Variants in TAX1BP1 observed in about 807,000 individuals in gnomAD.
TAX1BP1 encodes tax1-binding protein 1.
TAX1BP1 carries 62 observed loss-of-function variants against 97.7 expected under a neutral mutation model. That is an observed-to-expected ratio of 0.63 (90% confidence interval 0.52 to 0.78). The LOEUF (loss-of-function observed/expected upper bound fraction) is 0.78, where lower values mean the gene tolerates loss of function less well. Among genes scored for constraint, TAX1BP1 ranks in the 30% least tolerant of loss-of-function variants. The pLI, the probability that TAX1BP1 is intolerant of heterozygous loss-of-function variation, is 0.00. For missense variants in TAX1BP1, 867 were observed against 916.1 expected, an observed-to-expected ratio of 0.95 and a Z score of 0.69; for synonymous variants, 340 against 304.2, an observed-to-expected ratio of 1.12 and a Z score of -1.23.
chr7:27,747,975 A>C (rs1428409585), intron 1 of TAX1BP1, among the ~76,000 whole-genome samples: 1 of 152,126 alleles, frequency 6.6e-6, no homozygotes, highest in East Asian at 1.9e-4. Context: ...TGTTAGCGTC[A>C]GGTTTAGTTA....
At chr7:27,807,487 TTAATA>T (rs1203085534) in intron 13 of TAX1BP1, among the ~76,000 whole-genome samples, 1 of 152,100 alleles carries the variant, frequency 6.6e-6, no homozygotes, top group Non-Finnish European at 1.5e-5. Flanking sequence ...GGCCAGTTAT[TTAATA>T]TAATACTAAT....
intron 13 of TAX1BP1, among the ~76,000 whole-genome samples, chr7:27,812,688 T>C (rs890314808): frequency 1.3e-5 from 2 of 152,232 alleles, no homozygotes; most frequent in Admixed American, 6.5e-5. Context: ...TTATTTTGTA[T>C]ATAAGTACCC....
Position 27,828,730 on chromosome 7 carries a change from C to T in TAX1BP1, c.2271C>T (p.Cys757=), listed in dbSNP as rs771499153. The part of the protein sequence containing the change: ...EEHVESHWKV[C]PMCSEQFPPD... ...ATGTTGAAAGTCACTGGAAGGTGTG[C>T]CCGATGTGCAGCGAGCAGTTCCCTC... The change falls in exon 17 of 17, where the codon TGC becomes TGT. Residue 757 remains cysteine (C), a synonymous_variant. Coordinates refer to ENST00000396319, the MANE Select transcript of TAX1BP1 (RefSeq NM_006024.7). 1.9e-6 allele frequency: 3 copies of T among 1,614,040 alleles called. No individual in the cohort carries two copies. The highest frequency in any genetic ancestry group is 2.5e-6 in the Non-Finnish European group (3 of 1,179,992).
chr7:27,740,281 C>A lies in TAX1BP1; in HGVS notation c.-8+12C>A, dbSNP rs1469052647. 1 of 152,772 alleles carries A rather than the reference C, an allele frequency of 6.5e-6. No homozygotes were observed. The highest frequency in any genetic ancestry group is 1.9e-4 in the East Asian group (1 of 5,188). 9.5% of individuals were successfully genotyped at this position (152,772 alleles called of 1,614,324 possible). On this transcript the variant is annotated intron_variant, in intron 1 of 16. Transcript: ENST00000396319. ...AGTCTTTCCACTGGGTAAGGCGCCTCCCCGGTCCACCCCAGCGCCTTGTGC... is the reference window on the plus strand; with the variant it reads ...AGTCTTTCCACTGGGTAAGGCGCCTACCCGGTCCACCCCAGCGCCTTGTGC...
At chr7:27,770,996 A>G (rs557812190) in intron 5 of TAX1BP1, among the ~76,000 whole-genome samples, 19 of 151,824 alleles carry the variant, frequency 1.3e-4, no homozygotes, top group Admixed American at 5.9e-4. Context: ...TGGTTAAGGA[A>G]CTACTTTTTT....
chr7:27,816,046 C>T (rs1268797991), intron 13 of TAX1BP1, among the ~76,000 whole-genome samples: 2 of 152,026 alleles, frequency 1.3e-5, no homozygotes, highest in African/African-American at 4.8e-5. Context: ...ACTTTTTATT[C>T]ATACCTAAGT....
chr7:27,773,825 G>A (rs1788932513), intron 5 of TAX1BP1, among the ~76,000 whole-genome samples: 1 of 152,002 alleles, frequency 6.6e-6, no homozygotes, highest in Admixed American at 6.6e-5. Flanking sequence ...CAGTGATTTT[G>A]AATCTTGTTT....
At chr7:27,754,379 TTATAATATA>T (rs1788131862) in intron 2 of TAX1BP1, among the ~76,000 whole-genome samples, 1 of 148,304 alleles carries the variant, frequency 6.7e-6, no homozygotes, top group Non-Finnish European at 1.5e-5. Flanking sequence ...AAAATTACAA[TTATAATATA>T]TATAATATAT....
intron 10 of TAX1BP1, among the ~76,000 whole-genome samples, chr7:27,793,905 C>T (rs1351882593): frequency 6.6e-6 from 1 of 152,080 alleles, no homozygotes; most frequent in Non-Finnish European, 1.5e-5. Context: ...CTTTCCTGGT[C>T]CTACTTTTTT....
intron 2 of TAX1BP1, among the ~76,000 whole-genome samples, chr7:27,752,684 T>G (rs1417462151): frequency 6.6e-6 from 1 of 152,208 alleles, no homozygotes; most frequent in Non-Finnish European, 1.5e-5. Flanking sequence ...ATTGATTGAT[T>G]AGTTTTAATT....
rs1275132453 is a variant in TAX1BP1 at position 27,748,617 on chromosome 7, C to T, written c.93C>T (p.His31=). Residue 31 remains histidine, a synonymous_variant, in exon 2 of 17, where the codon CAC becomes CAT. Coordinates refer to ENST00000396319, the MANE Select transcript of TAX1BP1 (RefSeq NM_006024.7). ...CCAAGAGTTACCTTCCTAATGCACA[C>T]CTGGAATGTCATTACACCTTAACTC... ...NVAKSYLPNA[H]LECHYTLTPY... 1.9e-6 allele frequency: 3 copies of T among 1,604,088 alleles called. No homozygotes were observed. Among genetic ancestry groups the T allele is most frequent in the Non-Finnish European group, 2.6e-6 (3 of 1,174,382 alleles).
At chr7:27,824,881 G>A (rs17692264) in intron 15 of TAX1BP1, among the ~76,000 whole-genome samples, 15,019 of 151,068 alleles carry the variant, frequency 0.099, 814 homozygotes, top group South Asian at 0.12. Flanking sequence ...ATTTCAGTAC[G>A]GTATTCTCAA....
chr7:27,755,180 C>T (rs531669799), intron 2 of TAX1BP1, among the ~76,000 whole-genome samples: 48 of 152,286 alleles, frequency 3.2e-4, no homozygotes, highest in Non-Finnish European at 3.5e-4. Context: ...GTACTCCTAC[C>T]TTCCCCAGTG....
chr7:27,785,179 C>T lies in TAX1BP1; in HGVS notation c.629C>T (p.Thr210Ile), dbSNP rs1264257477. The T allele has an allele frequency of 6.2e-7, 1 of 1,610,016 alleles. No homozygotes were observed. Among genetic ancestry groups the T allele is most frequent in the African/African-American group, 1.3e-5 (1 of 74,780 alleles). ...QAEQKGLTEV[T>I]QSLKMENEEF... ...ACTTCTCAGGGTCTTACTGAAGTAA[C>T]ACAAAGCTTAAAAATGGAAAATGAA... The change falls in exon 6 of 17, where the codon ACA (threonine) becomes ATA (isoleucine). Residue 210 changes from threonine (T) to isoleucine (I), a missense_variant. By Grantham distance (89) the Thr-to-Ile change is moderately conservative. Around this residue, in one of 3 missense-constraint regions of TAX1BP1, gnomAD observed 822 missense variants for 851.4 expected, o/e 0.97. Transcript: ENST00000396319.
intron 12 of TAX1BP1, among the ~76,000 whole-genome samples, chr7:27,796,714 T>G (rs1451467069): frequency 1.3e-5 from 2 of 151,860 alleles, no homozygotes; most frequent in Non-Finnish European, 2.9e-5. Context: ...ATACAAAAAT[T>G]AGCCAGGCTG....
Position 27,828,816 on chromosome 7 carries a change from T to C in TAX1BP1, c.2357T>C (p.Leu786Pro). The C allele has an allele frequency of 6.3e-7, 1 of 1,597,282 alleles. No individual in the cohort carries two copies. Among genetic ancestry groups the C allele is most frequent in the Non-Finnish European group, 8.5e-7 (1 of 1,170,414 alleles). Reference protein sequence around the residue: ...HVQTHFDQNVLNFD With the variant: ...HVQTHFDQNVPNFD ...CAGACCCATTTTGATCAGAATGTTC[T>C]AAATTTTGACTAGTTACTTTTTATT... Residue 786 changes from leucine to proline, a missense_variant, in exon 17 of 17, where the codon CTA becomes CCA. Leu to Pro is a moderately conservative substitution (Grantham distance 98). This residue lies in a region of TAX1BP1 where 34 missense variants were observed against 33.2 expected (regional missense o/e 1.02). Transcript: ENST00000396319.
At chr7:27,761,233 G>T (rs1364471891) in intron 3 of TAX1BP1, among the ~76,000 whole-genome samples, 2 of 152,134 alleles carry the variant, frequency 1.3e-5, no homozygotes, top group African/African-American at 4.8e-5. Context: ...GAAAAGTAGA[G>T]TTCTCTTGCA....
Position 27,816,981 on chromosome 7 carries a change from C to G in TAX1BP1, c.2028C>G (p.Ser676Arg), listed in dbSNP as rs764509278. The change falls in exon 15 of 17, where the codon AGC becomes AGG. Residue 676 changes from serine (S) to arginine (R), a missense_variant. Ser to Arg is a moderately radical substitution (Grantham distance 110). Around this residue, in one of 3 missense-constraint regions of TAX1BP1, gnomAD observed 822 missense variants for 851.4 expected, o/e 0.97. Transcript: ENST00000396319. ...GACTGGAAGACAATGTTGTCTGCAG[C>G]CAGCCTGCTCGAAACTTTAGTCGGC... is the stretch of plus-strand genomic sequence containing the variant. ...SWGLEDNVVCSQPARNFSRPD... is the reference protein window; with the variant it reads ...SWGLEDNVVCRQPARNFSRPD... The G allele has an allele frequency of 6.2e-7, 1 of 1,614,044 alleles. No individual in the cohort carries two copies. The highest frequency in any genetic ancestry group is 8.5e-7 in the Non-Finnish European group (1 of 1,179,980).
chr7:27,754,603 C>T (rs1044370186), intron 2 of TAX1BP1, among the ~76,000 whole-genome samples: 7 of 151,908 alleles, frequency 4.6e-5, no homozygotes, highest in African/African-American at 1.2e-4. Context: ...GAGACAGTCT[C>T]GCTCTATCGC....
Sources: allele counts gnomAD v4.1 joint callset (sites outside exome capture counted in the v4.1 genomes callset), GRCh38; gene constraint gnomAD v4.1.1; regional missense constraint gnomAD v4.1.1; transcripts MANE v1.5; gene names NCBI Gene and HGNC (gene_info 2026-07-23, HGNC 2026-07-21).